Variants in DNAJC13 observed in about 807,000 individuals in gnomAD.
The protein encoded by DNAJC13 is DnaJ heat shock protein family (Hsp40) member C13, also known as dnaJ homolog subfamily C member 13.
Under a neutral mutation model 290.5 loss-of-function variants are expected in DNAJC13, and 75 were observed. That is an observed-to-expected ratio of 0.26 (90% CI 0.21 to 0.31). The LOEUF (loss-of-function observed/expected upper bound fraction) is 0.31, where lower values mean the gene tolerates loss of function less well. DNAJC13 is among the 10% of genes least tolerant of loss of function. The pLI is 1.00. For missense variants in DNAJC13, 2,260 were observed against 2,674.5 expected, an observed-to-expected ratio of 0.85 and a Z score of 3.42; for synonymous variants, 862 against 892.0, an observed-to-expected ratio of 0.97 and a Z score of 0.60.
intron 1 of DNAJC13, among the ~76,000 whole-genome samples, chr3:132,421,546 C>T (rs1254898847): frequency 1.3e-5 from 2 of 151,900 alleles, no homozygotes; most frequent in African/African-American, 4.8e-5. Flanking sequence ...CAACCTCTGC[C>T]TCAGCCTCCT....
At position 132,531,722 on chromosome 3, in the gene DNAJC13, G is replaced by A. The variant is rs922766675; in HGVS notation, c.6625+625G>A. 8.6e-5 allele frequency among the ~76,000 whole-genome samples: 13 copies of A among 152,036 alleles called. No individual in the cohort carries two copies. The East Asian group carries it at 1.5e-3, about 18-fold the overall frequency. ...TGAGGCAGGAGAATGGTGGGAACCCGGGAGGCAGAGCATGCAGTGAGCCAA... is the reference window on the plus strand; with the variant it reads ...TGAGGCAGGAGAATGGTGGGAACCCAGGAGGCAGAGCATGCAGTGAGCCAA... On this transcript the variant is annotated intron_variant, in intron 55 of 55. Coordinates refer to ENST00000260818, the MANE Select transcript of DNAJC13 (RefSeq NM_015268.4).
At chr3:132,470,845 A>ACC (rs1186921000) in intron 20 of DNAJC13, among the ~76,000 whole-genome samples, 1 of 103,062 alleles carries the variant, frequency 9.7e-6, no homozygotes, top group Admixed American at 9.8e-5. Context: ...CGGGGGGCTG[A>ACC]TCCCCCCACC....
In DNAJC13 at chr3:132,499,218, C is replaced by A; in HGVS notation, c.4249C>A (p.Pro1417Thr). 1 of 1,614,068 alleles carries A rather than the reference C, an allele frequency of 6.2e-7. No homozygotes were observed. The highest frequency in any genetic ancestry group is 8.5e-7 in the Non-Finnish European group (1 of 1,179,956). The stretch of plus-strand genomic sequence containing the variant: ...TGACCTCCTTTTCTCAAAAGAATCA[C>A]CATTGTTGCCTGCGGCTACAGAGCT... The part of the protein sequence containing the change: ...SDDLLFSKES[P>T]LLPAATELAF... The change falls in exon 37 of 56, where the codon CCA (proline) becomes ACA (threonine). Residue 1417 changes from proline to threonine, a missense_variant. Physicochemically the swap from Pro to Thr is conservative, Grantham distance 38. This residue lies in a region of DNAJC13 where 1,494 missense variants were observed against 1,693.7 expected (regional missense o/e 0.88). Coordinates refer to ENST00000260818, the MANE Select transcript of DNAJC13 (RefSeq NM_015268.4).
chr3:132,484,395 A>G, intron 28 of DNAJC13, 193 bp from the exon 29 acceptor site: 1 of 612,820 alleles, frequency 1.6e-6, no homozygotes, highest in Non-Finnish European at 2.9e-6. Flanking sequence ...TTATGGAAGG[A>G]AATGAAGTCA....
Position 132,511,121 on chromosome 3 carries a change from T to C in DNAJC13, c.5170T>C (p.Tyr1724His). 1 of 1,614,010 alleles carries C rather than the reference T, an allele frequency of 6.2e-7. No individual in the cohort carries two copies. ...GGATTATATAGGCTCGCAGGCCCAA[T>C]ACTTGCACACATTCATGGCCATCAC... ...LLDYIGSQAQ[Y>H]LHTFMAITHA... The change falls in exon 44 of 56, where the codon TAC (tyrosine) becomes CAC (histidine). Residue 1724 changes from tyrosine (Y) to histidine (H), a missense_variant. Tyr to His is a moderately conservative substitution (Grantham distance 83). Around this residue, in one of 3 missense-constraint regions of DNAJC13, gnomAD observed 1,494 missense variants for 1,693.7 expected, o/e 0.88. Coordinates refer to ENST00000260818, the MANE Select transcript of DNAJC13 (RefSeq NM_015268.4).
rs1319862488 is a variant in DNAJC13 at position 132,433,901 on chromosome 3, C to T, written c.-13-637C>T. Among the ~76,000 whole-genome samples, 4 of 152,112 alleles carry T rather than the reference C, an allele frequency of 2.6e-5. No homozygotes were observed. In the East Asian group the frequency reaches 7.7e-4, roughly 29 times the overall value. On this transcript the variant is annotated intron_variant, in intron 1 of 55. Transcript: ENST00000260818. ...GGTTATGATAAAGAGTTGAATAGAC[C>T]AGTCCCCGTCTTTAAAAACCTTATG...
chr3:132,420,368 C>T, intron 1 of DNAJC13, among the ~76,000 whole-genome samples: 1 of 152,092 alleles, frequency 6.6e-6, no homozygotes, highest in East Asian at 1.9e-4. Context: ...TCTCTGTTGG[C>T]CCCATTGGTG....
intron 48 of DNAJC13, among the ~76,000 whole-genome samples, chr3:132,521,042 G>A (rs1936073927): frequency 6.6e-6 from 1 of 152,152 alleles, no homozygotes; most frequent in Non-Finnish European, 1.5e-5. Context: ...TATGTAGAAT[G>A]ATTACAACAG....
At chr3:132,473,977 G>C (rs1283614570) in intron 21 of DNAJC13, among the ~76,000 whole-genome samples, 1 of 152,150 alleles carries the variant, frequency 6.6e-6, no homozygotes, top group Non-Finnish European at 1.5e-5. Flanking sequence ...AGACTTGAAA[G>C]TAAGCATATG....
intron 30 of DNAJC13, 148 bp downstream of exon 30, chr3:132,488,600 C>A: frequency 2.5e-6 from 2 of 805,234 alleles, no homozygotes; most frequent in Non-Finnish European, 3.6e-6. Flanking sequence ...AGTTGGAAAG[C>A]AGAAGAATGG....
intron 35 of DNAJC13, among the ~76,000 whole-genome samples, chr3:132,496,240 G>A (rs1054739032): frequency 3.9e-5 from 6 of 152,090 alleles, no homozygotes; most frequent in East Asian, 1.9e-4. Context: ...TTATATAGAC[G>A]CAAACTCTCT....
At chr3:132,463,617 A>G (rs975492164) in intron 16 of DNAJC13, 79 bp from the exon 17 acceptor site, 6 of 1,462,782 alleles carry the variant, frequency 4.1e-6, no homozygotes, top group Admixed American at 2.3e-5. Flanking sequence ...TCATTTAAAT[A>G]TGTAAAATTA....
At chr3:132,535,829 T>C (rs1936574740) in intron 55 of DNAJC13, among the ~76,000 whole-genome samples, 1 of 152,198 alleles carries the variant, frequency 6.6e-6, no homozygotes, top group African/African-American at 2.4e-5. Context: ...TGCCCTATTC[T>C]GTGCAAATGA....
intron 20 of DNAJC13, chr3:132,472,588 G>C (rs1471710343): frequency 1.0e-6 from 1 of 985,266 alleles, no homozygotes; most frequent in Non-Finnish European, 1.2e-6. Flanking sequence ...GTAAGTTCCT[G>C]CTACGTGTGT....
At chr3:132,432,881 G>A (rs562782801) in intron 1 of DNAJC13, among the ~76,000 whole-genome samples, 22 of 152,222 alleles carry the variant, frequency 1.4e-4, no homozygotes, top group South Asian at 4.1e-4. Context: ...TAATCAAACC[G>A]CCATAGAAGT....
chr3:132,513,723 G>T (rs1489448027), intron 45 of DNAJC13, among the ~76,000 whole-genome samples: 1 of 152,134 alleles, frequency 6.6e-6, no homozygotes, highest in Non-Finnish European at 1.5e-5. Flanking sequence ...GGTCCCATAG[G>T]ATGCTGTTTA....
chr3:132,493,661 G>A (rs887146897), intron 33 of DNAJC13, among the ~76,000 whole-genome samples: 4 of 151,686 alleles, frequency 2.6e-5, no homozygotes, highest in Admixed American at 2.6e-4. Context: ...TGTTCTATCC[G>A]TTACATTTGT....
chr3:132,444,916 A>T lies in DNAJC13; in HGVS notation c.69-1559A>T, dbSNP rs973768292. ...TTCTCACTCCACTTTAGACATGTAG[A>T]GTTAGGAAAAAAAACACAATGTAGC... On this transcript the variant is annotated intron_variant, in intron 2 of 55. Transcript: ENST00000260818. Among the ~76,000 whole-genome samples the T allele has an allele frequency of 2.6e-4, 39 of 152,252 alleles. 2 individuals are homozygous for T. Among genetic ancestry groups the T allele is most frequent in the Admixed American group, 1.8e-3 (28 of 15,294 alleles).
intron 6 of DNAJC13, among the ~76,000 whole-genome samples, chr3:132,451,664 T>C (rs1933419412): frequency 6.6e-6 from 1 of 152,228 alleles, no homozygotes; most frequent in African/African-American, 2.4e-5. Context: ...ATTTTAATTC[T>C]TGTAGCTACC....
Sources: allele counts gnomAD v4.1 joint callset (sites outside exome capture counted in the v4.1 genomes callset), GRCh38; gene constraint gnomAD v4.1.1; regional missense constraint gnomAD v4.1.1; transcripts MANE v1.5; gene names NCBI Gene and HGNC (gene_info 2026-07-23, HGNC 2026-07-21).